The following PROZ variants were observed in gnomAD, a reference collection of about 807,000 sequenced individuals.
PROZ encodes the protein protein Z, vitamin K dependent plasma glycoprotein.
In PROZ, 46 loss-of-function variants were observed where a neutral mutation model predicts 34.9. The observed-to-expected ratio is 1.32, with a 90% confidence interval of 1.04 to 1.69. PROZ has a LOEUF of 1.69. Among genes scored for constraint, PROZ ranks in the 40% most tolerant of loss-of-function variants. The pLI, the probability that PROZ is intolerant of heterozygous loss-of-function variation, is 0.00. For synonymous variants in PROZ, 195 were observed against 208.5 expected (o/e 0.94, Z 0.56); for missense variants, 530 against 520.4 (o/e 1.02, Z -0.18).
At chr13:113,163,801 G>C (rs760474315) in intron 4 of PROZ, among the ~76,000 whole-genome samples, 2 of 150,986 alleles carry the variant, frequency 1.3e-5, no homozygotes, top group African/African-American at 4.9e-5. Flanking sequence ...CATCCCAGCT[G>C]CTCAGCCACC....
Position 113,171,324 on chromosome 13 carries a change from A to C in PROZ, c.692-270A>C, listed in dbSNP as rs1427782618. ...TCCACATCACTGCTTCCTGCTTTTT[A>C]ATCATTTCACCACACCCCACTGCAC... is the stretch of plus-strand genomic sequence containing the variant. On this transcript the variant is annotated intron_variant, in intron 7 of 7. Transcript: ENST00000375547. The surrounding 1 kb of genome is among the most constrained non-coding windows in gnomAD (Gnocchi z 5.1). 6.6e-6 allele frequency among the ~76,000 whole-genome samples: 1 copy of C among 152,146 alleles called. No individual in the cohort carries two copies. The highest frequency in any genetic ancestry group is 1.5e-5 in the Non-Finnish European group (1 of 68,018).
Position 113,160,013 on chromosome 13 carries a change from G to T in PROZ, c.71-1G>T. On this transcript the variant is annotated splice_acceptor_variant, in intron 1 of 7. Coordinates refer to ENST00000375547, the MANE Select transcript of PROZ (RefSeq NM_003891.3). LOFTEE classifies it high-confidence loss of function. ...CACCTGCCTTCTTGTCTCGTCTGTAGTATTTCTCCCGGCCTCCAAAGCAAA... is the reference window on the plus strand; with the variant it reads ...CACCTGCCTTCTTGTCTCGTCTGTATTATTTCTCCCGGCCTCCAAAGCAAA... 6.2e-7 allele frequency: 1 copy of T among 1,613,964 alleles called. No individual in the cohort carries two copies. Among genetic ancestry groups the T allele is most frequent in the Non-Finnish European group, 8.5e-7 (1 of 1,180,034 alleles).
At position 113,158,823 on chromosome 13, in the gene PROZ, C is replaced by A; in HGVS notation, c.70+93C>A. On this transcript the variant is annotated intron_variant, in intron 1 of 7. Transcript: ENST00000375547. The surrounding 1 kb of genome is among the most constrained non-coding windows in gnomAD (Gnocchi z 4.3). Reference sequence around the variant, plus strand: ...TTGTAGATGAGGCTTTTTCCAGGAGCCAGAGGAGCCCTGAGTGCCCAGACT... The same window carrying A: ...TTGTAGATGAGGCTTTTTCCAGGAGACAGAGGAGCCCTGAGTGCCCAGACT... 1 of 1,276,512 alleles carries A rather than the reference C, an allele frequency of 7.8e-7. No homozygotes were observed. The highest frequency in any genetic ancestry group is 1.1e-6 in the Non-Finnish European group (1 of 904,770). The allele number at this position is 1,276,512 out of a possible 1,614,324, so 79.1% of individuals were successfully genotyped here. A position where few individuals can be genotyped will look rare whatever the true frequency, so the allele number is the denominator to read the frequency against.
intron 6 of PROZ, 114 bp downstream of exon 6, chr13:113,165,234 G>C: frequency 4.5e-6 from 5 of 1,104,962 alleles, no homozygotes; most frequent in Non-Finnish European, 6.7e-6. Flanking sequence ...GACTTTGATG[G>C]GCTACTGACT....
chr13:113,165,687 C>T lies in PROZ; in HGVS notation c.573+567C>T, dbSNP rs1490471441. On this transcript the variant is annotated intron_variant, in intron 6 of 7. Transcript: ENST00000375547. ...CTGGGATTACAGGAATGTGCCACCA[C>T]GCCCGGCTGATTTTTATATTTTTAG... Among the ~76,000 whole-genome samples the T allele has an allele frequency of 2.6e-5, 4 of 152,282 alleles. No individual in the cohort carries two copies. In the East Asian group the frequency reaches 5.8e-4, roughly 22 times the overall value.
Position 113,160,309 on chromosome 13 carries a change from A to C in PROZ, c.234+132A>C, listed in dbSNP as rs1445013867. 4 of 1,159,212 alleles carry C rather than the reference A, an allele frequency of 3.5e-6. No homozygotes were observed. In the East Asian group the frequency reaches 9.5e-5, roughly 27 times the overall value. The allele number at this position is 1,159,212 out of a possible 1,614,324, so 71.8% of individuals were successfully genotyped here. A position where few individuals can be genotyped will look rare whatever the true frequency, so the allele number is the denominator to read the frequency against. ...TTACCGATGAGGTTGACACAATCCC[A>C]GTTTTACAGATGAGGAAACAATTTA... On this transcript the variant is annotated intron_variant, in intron 2 of 7. Coordinates refer to ENST00000375547, the MANE Select transcript of PROZ (RefSeq NM_003891.3).
At chr13:113,163,538 A>T (rs533593494) in intron 4 of PROZ, among the ~76,000 whole-genome samples, 2 of 152,182 alleles carry the variant, frequency 1.3e-5, no homozygotes, top group East Asian at 3.9e-4. Flanking sequence ...AGTGTCCATC[A>T]TCGCCAACTA....
At chr13:113,160,244 C>CA in intron 2 of PROZ, 67 bp downstream of exon 2, 3 of 1,559,364 alleles carry the variant, frequency 1.9e-6, no homozygotes, top group Non-Finnish European at 2.7e-6. Context: ...CAGGGAGCAT[C>CA]ATTTCTCAGA....
chr13:113,167,325 C>T (rs2036968201), intron 6 of PROZ, among the ~76,000 whole-genome samples: 1 of 152,168 alleles, frequency 6.6e-6, no homozygotes, highest in Non-Finnish European at 1.5e-5. Flanking sequence ...CAAGTGGCAG[C>T]TATTATTCAT....
rs758194401 is a variant in PROZ at position 113,164,644 on chromosome 13, G to A, written c.505G>A (p.Asp169Asn). Residue 169 changes from aspartate to asparagine, a missense_variant and splice_region_variant, in exon 5 of 8, where the codon GAC becomes AAC. Transcript: ENST00000375547. ...GEDHKQCVPH[D>N]QCACGVLTSE... ...GGACCACAAACAGTGTGTGCCCCAC[G>A]GTGAGTGCTCAGACCACAGCGGCCT... 4 of 1,613,416 alleles carry A rather than the reference G, an allele frequency of 2.5e-6. No individual in the cohort carries two copies. The highest frequency in any genetic ancestry group is 1.3e-5 in the African/African-American group (1 of 74,912).
rs912869453 is a variant in PROZ, at chr13:113,160,945, A to G, written c.235-3A>G. The G allele has an allele frequency of 1.9e-6, 3 of 1,602,154 alleles. No individual in the cohort carries two copies. The highest frequency in any genetic ancestry group is 1.1e-5 in the South Asian group (1 of 90,814). The stretch of plus-strand genomic sequence containing the variant: ...GTAACATTTTTATGTTTTAACTCTA[A>G]AGGATGAATTCTGGAGACGATATAA... On this transcript the variant is annotated splice_region_variant and splice_polypyrimidine_tract_variant and intron_variant, in intron 2 of 7. Transcript: ENST00000375547.
Position 113,172,127 on chromosome 13 carries a change from T to C in PROZ, c.*22T>C, listed in dbSNP as rs1490815694. 1.2e-6 allele frequency: 2 copies of C among 1,611,248 alleles called. No homozygotes were observed. Among genetic ancestry groups the C allele is most frequent in the Non-Finnish European group, 1.7e-6 (2 of 1,179,482 alleles). On this transcript the variant is annotated 3_prime_UTR_variant, in exon 8 of 8. Coordinates refer to ENST00000375547, the MANE Select transcript of PROZ (RefSeq NM_003891.3). ...CTAACTGAAACTCAGCTAGCCAGAA[T>C]GAACAACACAACCGGAAGCGGGATT...
In PROZ at chr13:113,159,024, G is replaced by C. The variant is rs1236507917; in HGVS notation, c.70+294G>C. Among the ~76,000 whole-genome samples the C allele has an allele frequency of 6.7e-6, 1 of 150,282 alleles. No individual in the cohort carries two copies. Among genetic ancestry groups the C allele is most frequent in the Admixed American group, 6.6e-5 (1 of 15,100 alleles). On this transcript the variant is annotated intron_variant, in intron 1 of 7. Coordinates refer to ENST00000375547, the MANE Select transcript of PROZ (RefSeq NM_003891.3). This position sits in a 1 kb window ranked among gnomAD's most constrained non-coding sequence, Gnocchi z 4.6. ...AGGGGAGGGGGAAAGGGGGAGGAGTGGGGGGAGGCCTGGGTTGGGCATTGG... is the reference window on the plus strand; with the variant it reads ...AGGGGAGGGGGAAAGGGGGAGGAGTCGGGGGAGGCCTGGGTTGGGCATTGG...
intron 6 of PROZ, 68 bp downstream of exon 6, chr13:113,165,188 A>G (rs189831343): frequency 1.3e-6 from 2 of 1,499,888 alleles, no homozygotes; most frequent in African/African-American, 2.7e-5. Context: ...CATTTCCTAA[A>G]TAGAAATGTT....
At chr13:113,167,301 T>C (rs578008958) in intron 6 of PROZ, among the ~76,000 whole-genome samples, 15 of 152,336 alleles carry the variant, frequency 9.8e-5, no homozygotes, top group Admixed American at 4.6e-4. Flanking sequence ...TCTTGACTTA[T>C]GGTAGGTATT....
intron 3 of PROZ, among the ~76,000 whole-genome samples, chr13:113,161,853 C>A (rs61966444): frequency 1.5e-3 from 168 of 113,028 alleles, no homozygotes; most frequent in Admixed American, 3.2e-3. Context: ...CCCCCATCCT[C>A]CTCCTGCTCA....
Position 113,172,095 on chromosome 13 carries a change from T to A in PROZ, c.1193T>A (p.Ile398Asn), listed in dbSNP as rs1394882618. The change falls in exon 8 of 8, where the codon ATC becomes AAC. Residue 398 changes from isoleucine to asparagine, a missense_variant. By Grantham distance (149) the Ile-to-Asn change is moderately radical. Coordinates refer to ENST00000375547, the MANE Select transcript of PROZ (RefSeq NM_003891.3). ...VSRYSLWFKQ[I>N]MN ...AGGTACTCACTCTGGTTTAAACAGA[T>A]CATGAACTAACTGAAACTCAGCTAG... The A allele has an allele frequency of 6.2e-7, 1 of 1,612,644 alleles. No individual in the cohort carries two copies. Among genetic ancestry groups the A allele is most frequent in the Admixed American group, 1.7e-5 (1 of 59,978 alleles).
intron 6 of PROZ, among the ~76,000 whole-genome samples, chr13:113,169,468 C>A (rs2037044665): frequency 6.6e-6 from 1 of 152,124 alleles, no homozygotes; most frequent in African/African-American, 2.4e-5. Context: ...TGTTTGTATG[C>A]CGTAATGGAT....
At position 113,160,190 on chromosome 13, in the gene PROZ, AC is replaced by A; in HGVS notation, c.234+15del. 1 of 1,613,374 alleles carries A rather than the reference AC, an allele frequency of 6.2e-7. No homozygotes were observed. The highest frequency in any genetic ancestry group is 2.2e-5 in the East Asian group (1 of 44,884). ...TGAAGTAGTCACTGTATGTACCCCC[AC>A]CACAAACCACAGGCCTCCTCATTAT... On this transcript the variant is annotated intron_variant, in intron 2 of 7. Coordinates refer to ENST00000375547, the MANE Select transcript of PROZ (RefSeq NM_003891.3).
Sources: allele counts gnomAD v4.1 joint callset (sites outside exome capture counted in the v4.1 genomes callset), GRCh38; gene constraint gnomAD v4.1.1; non-coding constraint Gnocchi (gnomAD v3.1); transcripts MANE v1.5; gene names NCBI Gene and HGNC (gene_info 2026-07-23, HGNC 2026-07-21).